The following NRG3 variants were observed in gnomAD, a reference collection of about 807,000 sequenced individuals.
NRG3 encodes pro-neuregulin-3, membrane-bound isoform.
Under a neutral mutation model 66.9 loss-of-function variants are expected in NRG3, and 31 were observed. The ratio of observed to expected loss-of-function variants is 0.46; its 90% CI spans 0.35 to 0.63. NRG3 has a LOEUF of 0.63. NRG3 is among the 20% of genes least tolerant of loss of function. The pLI is 0.00. For synonymous variants in NRG3, 393 were observed against 359.4 expected, an observed-to-expected ratio of 1.09 and a Z score of -1.06; for missense variants, 910 against 878.9, an observed-to-expected ratio of 1.04 and a Z score of -0.45.
At chr10:82,513,231 T>C (rs897507035) in intron 2 of NRG3, among the ~76,000 whole-genome samples, 5 of 152,168 alleles carry the variant, frequency 3.3e-5, no homozygotes, top group African/African-American at 1.2e-4. Flanking sequence ...TCTGCATTAG[T>C]TTGCTGAGGA....
intron 1 of NRG3, among the ~76,000 whole-genome samples, chr10:82,127,443 G>A (rs1274547897): frequency 6.6e-6 from 1 of 152,068 alleles, no homozygotes; most frequent in East Asian, 1.9e-4. Flanking sequence ...GATTTCCTGA[G>A]TTCCAGGACA....
intron 1 of NRG3, among the ~76,000 whole-genome samples, chr10:81,957,190 C>T (rs1849919834): frequency 6.6e-6 from 1 of 152,140 alleles, no homozygotes; most frequent in Non-Finnish European, 1.5e-5. Context: ...CCTGAATCAC[C>T]ACATGGAGGA....
At chr10:82,675,997 G>A (rs779151633) in intron 2 of NRG3, among the ~76,000 whole-genome samples, 1 of 151,954 alleles carries the variant, frequency 6.6e-6, no homozygotes, top group Non-Finnish European at 1.5e-5. Context: ...ATTCCACACA[G>A]TTAGAAAAAA....
chr10:81,973,120 G>A (rs982004168), intron 1 of NRG3, among the ~76,000 whole-genome samples: 4 of 151,856 alleles, frequency 2.6e-5, no homozygotes, highest in African/African-American at 9.7e-5. Context: ...CCCTCTATGT[G>A]TCTATCATTT....
chr10:82,679,182 C>A (rs757637607), intron 2 of NRG3, among the ~76,000 whole-genome samples: 1 of 152,154 alleles, frequency 6.6e-6, no homozygotes, highest in Non-Finnish European at 1.5e-5. Context: ...AGTGTTGGAT[C>A]TTTTCTTCTC....
At chr10:81,961,267 T>C (rs1356971815) in intron 1 of NRG3, among the ~76,000 whole-genome samples, 2 of 152,220 alleles carry the variant, frequency 1.3e-5, no homozygotes, top group Non-Finnish European at 2.9e-5. Flanking sequence ...GTCCCTGGTA[T>C]ATTTTATAGA....
At chr10:82,255,462 C>G (rs1382194034) in intron 1 of NRG3, among the ~76,000 whole-genome samples, 2 of 152,076 alleles carry the variant, frequency 1.3e-5, no homozygotes. Flanking sequence ...GGGAAATACA[C>G]CATATTAACG....
intron 2 of NRG3, among the ~76,000 whole-genome samples, chr10:82,483,326 G>C (rs748653711): frequency 6.1e-4 from 93 of 152,328 alleles, no homozygotes; most frequent in Non-Finnish European, 1.1e-3. Context: ...ATGGAGGCCA[G>C]CTCTTCCTTC....
At chr10:81,972,209 A>C (rs779246244) in intron 1 of NRG3, among the ~76,000 whole-genome samples, 6 of 152,218 alleles carry the variant, frequency 3.9e-5, no homozygotes, top group Non-Finnish European at 7.3e-5. Flanking sequence ...ATGTAAGTAC[A>C]TTCTATGAAG....
chr10:81,958,302 G>T (rs1850030991), intron 1 of NRG3, among the ~76,000 whole-genome samples: 1 of 152,120 alleles, frequency 6.6e-6, no homozygotes, highest in African/African-American at 2.4e-5. Context: ...GTATTCTTTT[G>T]CAGAGTGGCC....
chr10:82,144,130 T>C (rs1236414603), intron 1 of NRG3, among the ~76,000 whole-genome samples: 3 of 152,294 alleles, frequency 2.0e-5, no homozygotes, highest in African/African-American at 7.2e-5. Context: ...TTTCTCCCTT[T>C]ACTATTTAAT....
intron 1 of NRG3, among the ~76,000 whole-genome samples, chr10:82,113,733 A>G (rs1305985220): frequency 6.6e-6 from 1 of 152,180 alleles, no homozygotes; most frequent in Non-Finnish European, 1.5e-5. Context: ...TGCACTAGGT[A>G]AGATGTTAAT....
intron 3 of NRG3, among the ~76,000 whole-genome samples, chr10:82,791,862 A>G (rs918819737): frequency 9.8e-5 from 15 of 152,324 alleles, no homozygotes; most frequent in African/African-American, 3.4e-4. Flanking sequence ...CAGGTCAGAT[A>G]AAGTTTAAAA....
chr10:82,486,985 A>G (rs997934016), intron 2 of NRG3, among the ~76,000 whole-genome samples: 2 of 151,678 alleles, frequency 1.3e-5, no homozygotes, highest in African/African-American at 4.8e-5. Context: ...TCTTCTGTAA[A>G]CCATTGTGCT....
intron 2 of NRG3, among the ~76,000 whole-genome samples, chr10:82,727,194 C>G (rs1299029244): frequency 1.3e-5 from 2 of 152,192 alleles, no homozygotes; most frequent in Admixed American, 6.5e-5. Context: ...AGGAGAAATT[C>G]AAGCTGGCTG....
At chr10:82,888,453 T>A (rs991321365) in intron 4 of NRG3, among the ~76,000 whole-genome samples, 1 of 152,156 alleles carries the variant, frequency 6.6e-6, no homozygotes, top group Non-Finnish European at 1.5e-5. Flanking sequence ...AGAAATGGAA[T>A]TTAAAAAATC....
intron 1 of NRG3, among the ~76,000 whole-genome samples, chr10:82,106,354 A>G (rs2067061515): frequency 6.6e-6 from 1 of 152,232 alleles, no homozygotes; most frequent in Non-Finnish European, 1.5e-5. Context: ...AGGGTTCACC[A>G]CAAGGCCACA....
intron 1 of NRG3, among the ~76,000 whole-genome samples, chr10:82,250,017 G>C (rs565774317): frequency 2.0e-5 from 3 of 152,252 alleles, no homozygotes; most frequent in Admixed American, 2.0e-4. Context: ...AGAATAAGAA[G>C]TACTTCCTCT....
chr10:82,785,776 C>T (rs1415189120), intron 3 of NRG3, among the ~76,000 whole-genome samples: 2 of 152,028 alleles, frequency 1.3e-5, no homozygotes, highest in Non-Finnish European at 2.9e-5. Flanking sequence ...AAAAAGGAAA[C>T]AGAATGAAAA....
Sources: allele counts gnomAD v4.1 joint callset (sites outside exome capture counted in the v4.1 genomes callset), GRCh38; gene constraint gnomAD v4.1.1; transcripts MANE v1.5; gene names NCBI Gene and HGNC (gene_info 2026-07-23, HGNC 2026-07-21).